The following TRPC1 variants were observed in gnomAD, a reference collection of about 807,000 sequenced individuals.
The protein encoded by TRPC1 is transient receptor potential cation channel subfamily C member 1.
In TRPC1, 42 loss-of-function variants were observed where a neutral mutation model predicts 88.2. The ratio of observed to expected loss-of-function variants is 0.48; its 90% confidence interval spans 0.37 to 0.62. TRPC1 has a LOEUF of 0.62. Ranked by LOEUF, TRPC1 falls within the 20% of genes least tolerant of loss-of-function variation. TRPC1 has a pLI of 0.00. For synonymous variants in TRPC1, 288 were observed against 331.8 expected, an observed-to-expected ratio of 0.87 and a Z score of 1.43; for missense variants, 699 against 957.3, an observed-to-expected ratio of 0.73 and a Z score of 3.56.
chr3:142,804,489 C>T lies in TRPC1; in HGVS notation c.2013C>T (p.Tyr671=), dbSNP rs1472700166. 1.2e-6 allele frequency: 2 copies of T among 1,613,032 alleles called. No individual in the cohort carries two copies. Among genetic ancestry groups the T allele is most frequent in the East Asian group, 2.2e-5 (1 of 44,822 alleles). The change falls in exon 12 of 13, where the codon TAC becomes TAT. Residue 671 remains tyrosine, a synonymous_variant. Transcript: ENST00000476941. ...KFARAKLWLS[Y]FDDKCTLPPP... ...CTCGAGCAAAATTATGGCTTAGCTACTTTGATGACAAATGTACGTTACCTC... is the reference window on the plus strand; with the variant it reads ...CTCGAGCAAAATTATGGCTTAGCTATTTTGATGACAAATGTACGTTACCTC...
intron 4 of TRPC1, among the ~76,000 whole-genome samples, chr3:142,763,192 G>T (rs965560495): frequency 6.6e-6 from 1 of 152,088 alleles, no homozygotes; most frequent in Non-Finnish European, 1.5e-5. Flanking sequence ...ATTAGATCTA[G>T]TGCGTAGTTT....
intron 11 of TRPC1, 36 bp downstream of exon 11, chr3:142,804,214 CA>C: frequency 6.3e-7 from 1 of 1,596,536 alleles, no homozygotes; most frequent in Admixed American, 1.7e-5. Context: ...ATATTCTCCT[CA>C]GACCATACTA....
chr3:142,785,092 C>G lies in TRPC1; in HGVS notation c.1297+52C>G, dbSNP rs1180557452. The G allele has an allele frequency of 4.8e-6, 7 of 1,452,176 alleles. No individual in the cohort carries two copies. In the Admixed American group the frequency reaches 1.2e-4, roughly 26 times the overall value. 90.0% of individuals were successfully genotyped at this position (1,452,176 alleles called of 1,614,324 possible). A position where few individuals can be genotyped will look rare whatever the true frequency, so the allele number is the denominator to read the frequency against. On this transcript the variant is annotated intron_variant, in intron 7 of 12. Transcript: ENST00000476941. Reference sequence around the variant, plus strand: ...TTTGTCTTTATTTAGCCCACTGATTCTTTCTTGATTGATGGCATTGTGAAT... The same window carrying G: ...TTTGTCTTTATTTAGCCCACTGATTGTTTCTTGATTGATGGCATTGTGAAT...
intron 1 of TRPC1, among the ~76,000 whole-genome samples, chr3:142,732,293 C>A (rs1933953238): frequency 6.6e-6 from 1 of 152,072 alleles, no homozygotes; most frequent in South Asian, 2.1e-4. Context: ...GGGGCCCTGT[C>A]TTCAGGTGTT....
At chr3:142,726,838 AG>A (rs1398551496) in intron 1 of TRPC1, among the ~76,000 whole-genome samples, 1 of 152,198 alleles carries the variant, frequency 6.6e-6, no homozygotes, top group African/African-American at 2.4e-5. Context: ...CATTCACTAA[AG>A]CAGCTATTGG....
intron 11 of TRPC1, 60 bp from the exon 12 acceptor site, chr3:142,804,375 TC>T (rs1377278657): frequency 6.3e-6 from 9 of 1,426,410 alleles, no homozygotes; most frequent in Non-Finnish European, 8.5e-6. Context: ...TGTGGAAACA[TC>T]CCCCATATTT....
intron 4 of TRPC1, among the ~76,000 whole-genome samples, chr3:142,769,570 A>T (rs1361280916): frequency 1.3e-5 from 2 of 152,008 alleles, no homozygotes; most frequent in African/African-American, 4.8e-5. Context: ...ATAATTTGTT[A>T]TATGTTGCGT....
In TRPC1 at chr3:142,748,469, A is replaced by G. The variant is rs1374794496; in HGVS notation, c.632+9A>G. 6.2e-7 allele frequency: 1 copy of G among 1,613,214 alleles called. No homozygotes were observed. The highest frequency in any genetic ancestry group is 1.1e-5 in the South Asian group (1 of 90,996). On this transcript the variant is annotated intron_variant, in intron 4 of 12. Coordinates refer to ENST00000476941, the MANE Select transcript of TRPC1 (RefSeq NM_001251845.2). Reference sequence around the variant, plus strand: ...AGCCTCCGGCATTCCAGGTTAGAACATTAAACTTTTGATAAATAGATGTGT... The same window carrying G: ...AGCCTCCGGCATTCCAGGTTAGAACGTTAAACTTTTGATAAATAGATGTGT...
At chr3:142,805,417 G>A (rs1249554575) in intron 12 of TRPC1, among the ~76,000 whole-genome samples, 1 of 151,924 alleles carries the variant, frequency 6.6e-6, no homozygotes, top group Admixed American at 6.6e-5. Flanking sequence ...CATTTTTTCT[G>A]TAAAGGTCCA....
At chr3:142,799,310 T>C (rs1378408220) in intron 9 of TRPC1, among the ~76,000 whole-genome samples, 1 of 152,176 alleles carries the variant, frequency 6.6e-6, no homozygotes, top group Non-Finnish European at 1.5e-5. Context: ...AAGTACTTTT[T>C]AAAAAGTAAA....
At chr3:142,795,360 A>G (rs1435674793) in intron 9 of TRPC1, among the ~76,000 whole-genome samples, 1 of 152,014 alleles carries the variant, frequency 6.6e-6, no homozygotes, top group Non-Finnish European at 1.5e-5. Context: ...AAGAAGTTCA[A>G]TAAACCTGCA....
intron 10 of TRPC1, among the ~76,000 whole-genome samples, chr3:142,803,206 G>A (rs1936678507): frequency 6.6e-6 from 1 of 152,166 alleles, no homozygotes; most frequent in Non-Finnish European, 1.5e-5. Context: ...TAACTAAGGA[G>A]CTAGGGAGTG....
At chr3:142,763,981 T>TATATATATATAC (rs1162744315) in intron 4 of TRPC1, among the ~76,000 whole-genome samples, 3 of 62,668 alleles carry the variant, frequency 4.8e-5, no homozygotes, top group African/African-American at 1.6e-4. Context: ...TATATATATA[T>TATATATATATAC]ATACACATAC....
intron 4 of TRPC1, among the ~76,000 whole-genome samples, chr3:142,758,899 C>G (rs1229390805): frequency 7.1e-6 from 1 of 141,044 alleles, no homozygotes; most frequent in Non-Finnish European, 1.5e-5. Flanking sequence ...TTGTTCAATT[C>G]CCACCAATGA....
Position 142,743,565 on chromosome 3 carries a change from A to G in TRPC1, c.408A>G (p.Arg136=). The change falls in exon 3 of 13, where the codon CGA becomes CGG. Residue 136 remains arginine (R), a synonymous_variant. Coordinates refer to ENST00000476941, the MANE Select transcript of TRPC1 (RefSeq NM_001251845.2). Reference sequence around the variant, plus strand: ...TACTACTTAATCATCGACCAAAACGATCATCAAGACCAACTATAGTAGTTA... The same window carrying G: ...TACTACTTAATCATCGACCAAAACGGTCATCAAGACCAACTATAGTAGTTA... ...VDILLNHRPK[R]SSRPTIVKLM... 1 of 1,524,016 alleles carries G rather than the reference A, an allele frequency of 6.6e-7. No homozygotes were observed. The allele number at this position is 1,524,016 out of a possible 1,614,324, so 94.4% of individuals were successfully genotyped here.
chr3:142,733,767 A>G (rs1002731379), intron 1 of TRPC1, among the ~76,000 whole-genome samples: 32 of 152,342 alleles, frequency 2.1e-4, no homozygotes, highest in African/African-American at 7.5e-4. Flanking sequence ...AATATAATGA[A>G]CATCCAGTTA....
At chr3:142,731,768 CTA>C (rs1451644308) in intron 1 of TRPC1, among the ~76,000 whole-genome samples, 3 of 152,084 alleles carry the variant, frequency 2.0e-5, no homozygotes, top group Admixed American at 1.3e-4. Context: ...AGTGAGCAAA[CTA>C]TGGGCCACAG....
intron 4 of TRPC1, among the ~76,000 whole-genome samples, chr3:142,753,746 A>AC (rs10680644): frequency 6.6e-6 from 1 of 151,072 alleles, no homozygotes; most frequent in African/African-American, 2.4e-5. Flanking sequence ...AAAAAAAAAA[A>AC]CTTAGAGAAA....
rs530612770 is a variant in TRPC1, at chr3:142,793,734, A to G, written c.1581+767A>G. The G allele has an allele frequency of 4.1e-5, 23 of 554,922 alleles. No individual in the cohort carries two copies. The Admixed American group carries it at 8.9e-4, about 21-fold the overall frequency. The allele number at this position is 554,922 out of a possible 1,614,324, so 34.4% of individuals were successfully genotyped here. On this transcript the variant is annotated intron_variant, in intron 9 of 12. Transcript: ENST00000476941. Reference sequence around the variant, plus strand: ...TAGCTTATTATTTCTGAAAATCTGAACAATATTCATTTTTCCTTAAGTCAA... The same window carrying G: ...TAGCTTATTATTTCTGAAAATCTGAGCAATATTCATTTTTCCTTAAGTCAA...
Sources: gnomAD v4.1 joint callset for allele counts (sites outside exome capture counted in the v4.1 genomes callset) on GRCh38, gnomAD v4.1.1 for gene constraint, MANE v1.5 for transcripts, NCBI Gene and HGNC (gene_info 2026-07-23, HGNC 2026-07-21) for gene names.